The following TENM2 variants were observed in gnomAD, a reference collection of about 807,000 sequenced individuals.
TENM2 encodes teneurin transmembrane protein 2.
A neutral mutation model predicts 245.2 loss-of-function variants in TENM2; 52 were observed. That is an observed-to-expected ratio of 0.21 (90% CI 0.17 to 0.27). TENM2 has a LOEUF of 0.27. TENM2 is among the 10% of genes least tolerant of loss of function. The probability of loss-of-function intolerance (pLI) is 1.00; values close to 1 mark genes in which losing one functional copy is unlikely to be tolerated. For synonymous variants in TENM2, 1,363 were observed against 1,438.9 expected (o/e 0.95, Z 1.19); for missense variants, 3,046 against 3,666.8 (o/e 0.83, Z 4.37).
chr5:167,008,048 C>T, the TENM2 span, among the ~76,000 whole-genome samples: 1 of 152,142 alleles, frequency 6.6e-6, no homozygotes, highest in Non-Finnish European at 1.5e-5. Context: ...CTTCCCCGTT[C>T]CTCTTCTCTA....
chr5:167,940,535 A>G (rs921394820), intron 3 of TENM2, among the ~76,000 whole-genome samples: 3 of 152,206 alleles, frequency 2.0e-5, no homozygotes, highest in Non-Finnish European at 4.4e-5. Context: ...ACCTGCAGAC[A>G]TGGAAAGAAT....
chr5:167,842,279 AAAAC>A (rs1192382169), intron 2 of TENM2, among the ~76,000 whole-genome samples: 3 of 152,104 alleles, frequency 2.0e-5, no homozygotes, highest in African/African-American at 7.2e-5. Context: ...CAAAAACAAA[AAAAC>A]AAAACAAAAC....
rs560745719 is a variant in TENM2, at chr5:167,682,366, T to C, written c.503-193620T>C. ...TTAATAGAGATGGGGTTTCACTATGTTGGCCAGGCTAGTCTTGAACTCCTG... is the reference window on the plus strand; with the variant it reads ...TTAATAGAGATGGGGTTTCACTATGCTGGCCAGGCTAGTCTTGAACTCCTG... On this transcript the variant is annotated intron_variant, in intron 2 of 28. Coordinates refer to ENST00000518659, the Ensembl canonical transcript of TENM2. Among the ~76,000 whole-genome samples the C allele has an allele frequency of 3.9e-5, 6 of 152,080 alleles. No individual in the cohort carries two copies. In the South Asian group the frequency reaches 1.2e-3, roughly 32 times the overall value.
At chr5:167,718,664 G>A (rs74416470) in intron 2 of TENM2, among the ~76,000 whole-genome samples, 2,001 of 152,246 alleles carry the variant, frequency 0.013, 40 homozygotes, top group African/African-American at 0.046. Context: ...GGGTTTTGAG[G>A]TCATATTATA....
chr5:167,174,047 A>C, the TENM2 span, among the ~76,000 whole-genome samples: 29 of 149,720 alleles, frequency 1.9e-4, no homozygotes, highest in Admixed American at 1.7e-3. Context: ...TCCTTTTTCC[A>C]CCCCCTTGAA....
At chr5:167,135,804 A>T in the TENM2 span, among the ~76,000 whole-genome samples, 2 of 152,190 alleles carry the variant, frequency 1.3e-5, no homozygotes, top group Non-Finnish European at 2.9e-5. Flanking sequence ...TCAAAAAAAA[A>T]ATAGTGGCGT....
intron 8 of TENM2, among the ~76,000 whole-genome samples, chr5:168,092,125 T>C (rs1792996008): frequency 6.6e-6 from 1 of 152,242 alleles, no homozygotes; most frequent in Non-Finnish European, 1.5e-5. Context: ...TCCCTGACTC[T>C]TCAAAGAGCT....
At chr5:168,106,862 A>G (rs1794284643) in intron 9 of TENM2, among the ~76,000 whole-genome samples, 1 of 152,200 alleles carries the variant, frequency 6.6e-6, no homozygotes, top group African/African-American at 2.4e-5. Context: ...GCAGTTCATG[A>G]CCAGCCTGGG....
chr5:167,511,190 A>G (rs978627804), intron 2 of TENM2, among the ~76,000 whole-genome samples: 3 of 152,236 alleles, frequency 2.0e-5, no homozygotes, highest in African/African-American at 7.2e-5. Context: ...TAGAGAAGAG[A>G]TAAAACATGC....
the TENM2 span, among the ~76,000 whole-genome samples, chr5:167,062,281 C>G: frequency 2.0e-5 from 3 of 152,022 alleles, no homozygotes. Flanking sequence ...ATTGCTGTCT[C>G]TTCTGAAGGC....
chr5:167,127,023 A>C, the TENM2 span, among the ~76,000 whole-genome samples: 1 of 149,652 alleles, frequency 6.7e-6, no homozygotes, highest in African/African-American at 2.5e-5. Context: ...TTTTTTTTTC[A>C]CCTGCCTTTA....
At chr5:167,666,214 G>A (rs1479713009) in intron 2 of TENM2, among the ~76,000 whole-genome samples, 1 of 152,152 alleles carries the variant, frequency 6.6e-6, no homozygotes, top group Non-Finnish European at 1.5e-5. Flanking sequence ...TTTTTCCCCA[G>A]GGGCTTGTGC....
the TENM2 span, among the ~76,000 whole-genome samples, chr5:167,267,219 C>T: frequency 6.6e-6 from 1 of 152,094 alleles, no homozygotes; most frequent in Non-Finnish European, 1.5e-5. Flanking sequence ...TCATTCTTCC[C>T]AGCAATCCTG....
the TENM2 span, among the ~76,000 whole-genome samples, chr5:167,196,412 T>C: frequency 6.6e-6 from 1 of 151,724 alleles, no homozygotes; most frequent in African/African-American, 2.4e-5. Flanking sequence ...ACATAAGTGT[T>C]ATTATTCATT....
chr5:167,530,694 T>C (rs765070642), intron 2 of TENM2, among the ~76,000 whole-genome samples: 1 of 152,216 alleles, frequency 6.6e-6, no homozygotes. Flanking sequence ...AGCCCTGTGC[T>C]TCGCTGTAGA....
chr5:167,468,692 C>T (rs1766822257), intron 2 of TENM2, among the ~76,000 whole-genome samples: 1 of 152,142 alleles, frequency 6.6e-6, no homozygotes, highest in Non-Finnish European at 1.5e-5. Flanking sequence ...CCATCAAATA[C>T]CAATATGTAC....
chr5:168,241,417 G>A (rs1766091588), intron 25 of TENM2, among the ~76,000 whole-genome samples: 1 of 149,048 alleles, frequency 6.7e-6, no homozygotes, highest in East Asian at 1.9e-4. Flanking sequence ...ACCATGCTTG[G>A]CTAATTTTTT....
Position 167,500,061 on chromosome 5 carries a change from GGT to G in TENM2, c.502+124602_502+124603del, listed in dbSNP as rs10664934. On this transcript the variant is annotated intron_variant, in intron 2 of 28. Coordinates refer to ENST00000518659, the Ensembl canonical transcript of TENM2. ...GTGTGTGTTTGTACATATATATGAG[GGT>G]GTGTGTGTGTGTGAGTGTGTGTGTT... Among the ~76,000 whole-genome samples the G allele has an allele frequency of 6.2e-4, 92 of 148,110 alleles. 1 individual carries two copies. In the East Asian group the frequency reaches 0.016, roughly 26 times the overall value.
At chr5:167,479,164 A>G (rs1177351728) in intron 2 of TENM2, among the ~76,000 whole-genome samples, 2 of 152,178 alleles carry the variant, frequency 1.3e-5, no homozygotes, top group Non-Finnish European at 2.9e-5. Context: ...ACACTGGACC[A>G]AACCCAGATT....
Sources: gnomAD v4.1 joint callset for allele counts (sites outside exome capture counted in the v4.1 genomes callset) on GRCh38, gnomAD v4.1.1 for gene constraint, MANE v1.5 for transcripts, NCBI Gene and HGNC (gene_info 2026-07-23, HGNC 2026-07-21) for gene names.